BDNF: variants seen among roughly 807,000 people sequenced by gnomAD.
BDNF encodes neurotrophic factor BDNF precursor form.
Under a neutral mutation model 19.5 loss-of-function variants are expected in BDNF, and 1 was observed. The observed-to-expected ratio is 0.05, with a 90% CI of 0.02 to 0.24. The LOEUF (loss-of-function observed/expected upper bound fraction) is 0.24. Among genes scored for constraint, BDNF ranks in the 10% least tolerant of loss-of-function variants. The pLI, the probability that BDNF is intolerant of heterozygous loss-of-function variation, is 1.00. For missense variants in BDNF, 195 were observed against 317.6 expected (o/e 0.61, Z 2.93); for synonymous variants, 100 against 121.6 (o/e 0.82, Z 1.17).
At chr11:27,674,966 G>C (rs936188116) in intron 1 of BDNF, 6 of 867,062 alleles carry the variant, frequency 6.9e-6, no homozygotes, top group Non-Finnish European at 8.3e-6. Flanking sequence ...TAAATAATTT[G>C]ATTATCCACC....
In BDNF at chr11:27,655,781, A is replaced by G. The variant is rs1852478252; in HGVS notation, c.*2040T>C. 1 of 152,202 alleles carries G rather than the reference A, an allele frequency of 6.6e-6. No individual in the cohort carries two copies. The highest frequency in any genetic ancestry group is 1.5e-5 in the Non-Finnish European group (1 of 68,056). 9.4% of individuals were successfully genotyped at this position (152,202 alleles called of 1,614,324 possible). A position where few individuals can be genotyped will look rare whatever the true frequency, so the allele number is the denominator to read the frequency against. ...TCTGATACTTAAGGATGCTGGTCCA[A>G]GTGGTGATCACTAACATTTTCAGGT... On this transcript the variant is annotated 3_prime_UTR_variant, in exon 2 of 2. Coordinates refer to ENST00000356660, the MANE Select transcript of BDNF (RefSeq NM_001709.5).
chr11:27,696,351 C>T (rs969463391), intron 1 of BDNF: 6 of 152,188 alleles, frequency 3.9e-5, no homozygotes, highest in African/African-American at 9.7e-5. Context: ...TTACTCCATA[C>T]TAAACAGAGT....
intron 1 of BDNF, chr11:27,720,806 T>C (rs1459536595): frequency 1.5e-5 from 15 of 987,620 alleles, no homozygotes; most frequent in Non-Finnish European, 1.8e-5. Context: ...TCCACTTCCT[T>C]ACGGTTTGTC....
At chr11:27,662,933 CT>C (rs1853700147) in intron 1 of BDNF, among the ~76,000 whole-genome samples, 1 of 152,170 alleles carries the variant, frequency 6.6e-6, no homozygotes, top group Non-Finnish European at 1.5e-5. Context: ...GGAATAAAAC[CT>C]TACTTGAATA....
rs186510574 is a variant in BDNF at position 27,669,361 on chromosome 11, C to T, written c.-21-10776G>A. ...AAAACTGGCACAAAACAAGGATGTCCTCTGTCACCACTCCTATTCAACATA... is the reference window on the plus strand; with the variant it reads ...AAAACTGGCACAAAACAAGGATGTCTTCTGTCACCACTCCTATTCAACATA... On this transcript the variant is annotated intron_variant, in intron 1 of 1. Transcript: ENST00000356660. Among the ~76,000 whole-genome samples the T allele has an allele frequency of 3.3e-4, 51 of 152,326 alleles. 1 individual carries two copies. Among genetic ancestry groups the T allele is most frequent in the African/African-American group, 1.2e-3 (50 of 41,564 alleles).
chr11:27,693,972 A>T (rs1437698405), intron 1 of BDNF, among the ~76,000 whole-genome samples: 1 of 150,270 alleles, frequency 6.7e-6, no homozygotes, highest in African/African-American at 2.4e-5. Context: ...TATTTTAGTA[A>T]TTTTTTTTTT....
intron 1 of BDNF, chr11:27,660,361 C>T (rs1853268184): frequency 6.3e-6 from 3 of 477,854 alleles, no homozygotes; most frequent in Non-Finnish European, 1.0e-5. Flanking sequence ...GCACAATGTT[C>T]TCAGATTAGG....
At chr11:27,720,609 C>A (rs1860711578) in intron 1 of BDNF, 9 of 985,508 alleles carry the variant, frequency 9.1e-6, no homozygotes, top group African/African-American at 1.7e-5. Flanking sequence ...AAGGGCGACA[C>A]AGGGTTGGCT....
chr11:27,692,704 T>G (rs1345681395), intron 1 of BDNF, among the ~76,000 whole-genome samples: 1 of 152,190 alleles, frequency 6.6e-6, no homozygotes, highest in Non-Finnish European at 1.5e-5. Context: ...GCATTCAATA[T>G]TTGCTAAATT....
chr11:27,709,865 T>C (rs1200772877), intron 1 of BDNF, among the ~76,000 whole-genome samples: 2 of 152,192 alleles, frequency 1.3e-5, no homozygotes, highest in Non-Finnish European at 2.9e-5. Context: ...GAAGAGATGA[T>C]TTAGGTGATT....
At position 27,679,864 on chromosome 11, in the gene BDNF, T is replaced by G. The variant is rs1856627408; in HGVS notation, c.-22+20300A>C. Reference sequence around the variant, plus strand: ...GTCAGAACCAGCTGTGTTTCTGTCATTCCCTCATATGAAAAGAACTCAGCT... The same window carrying G: ...GTCAGAACCAGCTGTGTTTCTGTCAGTCCCTCATATGAAAAGAACTCAGCT... On this transcript the variant is annotated intron_variant, in intron 1 of 1. Transcript: ENST00000356660. Among the ~76,000 whole-genome samples, 3 of 152,228 alleles carry G rather than the reference T, an allele frequency of 2.0e-5. No individual in the cohort carries two copies. The South Asian group carries it at 6.2e-4, about 32-fold the overall frequency.
chr11:27,718,359 C>CCCCCA (rs1860606111), intron 1 of BDNF, among the ~76,000 whole-genome samples: 1 of 144,498 alleles, frequency 6.9e-6, no homozygotes. Flanking sequence ...ACACCACCCC[C>CCCCCA]CCCCGCCCCT....
At chr11:27,701,517 CA>C, upstream of BDNF, 1 of 988,536 alleles carries the variant, frequency 1.0e-6, no homozygotes, top group Non-Finnish European at 1.2e-6. Context: ...GTAATACTCG[CA>C]CCCCATCAGC....
At chr11:27,690,268 C>G (rs1379056677) in intron 1 of BDNF, among the ~76,000 whole-genome samples, 1 of 152,126 alleles carries the variant, frequency 6.6e-6, no homozygotes. Flanking sequence ...GAATACAACT[C>G]TCAATGCAAG....
chr11:27,687,204 T>C (rs930565977), intron 1 of BDNF, among the ~76,000 whole-genome samples: 4 of 152,222 alleles, frequency 2.6e-5, no homozygotes, highest in Non-Finnish European at 5.9e-5. Flanking sequence ...GATTCAGTTA[T>C]TGAAGCTTGT....
At chr11:27,677,413 T>C (rs977755538) in intron 1 of BDNF, 2 of 152,152 alleles carry the variant, frequency 1.3e-5, no homozygotes, top group African/African-American at 4.8e-5. Context: ...AAACAAGGTG[T>C]AAAATAGTGT....
chr11:27,658,506 G>A lies in BDNF; in HGVS notation c.59C>T (p.Pro20Leu). The change falls in exon 2 of 2, where the codon CCC (proline) becomes CTC (leucine). Residue 20 changes from proline to leucine, a missense_variant. Physicochemically the swap from Pro to Leu is moderately conservative, Grantham distance 98 (BLOSUM62 -3). Transcript: ENST00000356660. The surrounding 1 kb of genome is among the most constrained non-coding windows in gnomAD (Gnocchi z 5.7). ...ISYFGCMKAA[P>L]MKEANIRGQG... ...TCCTCGGATGTTTGCTTCTTTCATG[G>A]GGGCAGCCTTCATGCAACCAAAGTA... The A allele has an allele frequency of 6.2e-7, 1 of 1,614,120 alleles. No homozygotes were observed. Among genetic ancestry groups the A allele is most frequent in the Non-Finnish European group, 8.5e-7 (1 of 1,180,032 alleles).
chr11:27,717,031 G>C (rs1860540362), intron 1 of BDNF, among the ~76,000 whole-genome samples: 1 of 152,070 alleles, frequency 6.6e-6, no homozygotes, highest in Non-Finnish European at 1.5e-5. Context: ...TTGGAATGTT[G>C]TTTCTTACTA....
At chr11:27,663,010 A>G (rs982791362) in intron 1 of BDNF, among the ~76,000 whole-genome samples, 2 of 152,218 alleles carry the variant, frequency 1.3e-5, no homozygotes, top group Admixed American at 6.5e-5. Flanking sequence ...CTCTATTTCT[A>G]ACAGATCAAT....
Sources: allele counts gnomAD v4.1 joint callset (sites outside exome capture counted in the v4.1 genomes callset), GRCh38; gene constraint gnomAD v4.1.1; non-coding constraint Gnocchi (gnomAD v3.1); transcripts MANE v1.5; gene names NCBI Gene and HGNC (gene_info 2026-07-23, HGNC 2026-07-21).